The following GPR141 variants were observed in gnomAD, a reference collection of about 807,000 sequenced individuals.
The protein encoded by GPR141 is probable G protein-coupled receptor 141.
Under a neutral mutation model 6.8 loss-of-function variants are expected in GPR141, and 6 were observed. The observed-to-expected ratio is 0.88, with a 90% CI of 0.48 to 1.74. GPR141 has a LOEUF of 1.74. Among genes scored for constraint, GPR141 ranks in the 40% most tolerant of loss-of-function variants. The pLI is 0.01. For missense variants in GPR141, 372 were observed against 372.9 expected (o/e 1.00, Z 0.02); for synonymous variants, 140 against 142.3 (o/e 0.98, Z 0.11).
chr7:37,693,184 G>T (rs1759144664), intron 2 of GPR141, among the ~76,000 whole-genome samples: 1 of 152,134 alleles, frequency 6.6e-6, no homozygotes, highest in Non-Finnish European at 1.5e-5. Flanking sequence ...TTTGTATAAG[G>T]TGTAAGGAAG....
intron 2 of GPR141, among the ~76,000 whole-genome samples, chr7:37,694,451 G>A (rs1033776779): frequency 3.3e-5 from 5 of 152,214 alleles, no homozygotes; most frequent in African/African-American, 9.6e-5. Context: ...GGGGCAGGGC[G>A]CAGCAACAAC....
At chr7:37,716,351 T>C (rs1289059150) in intron 2 of GPR141, among the ~76,000 whole-genome samples, 2 of 152,158 alleles carry the variant, frequency 1.3e-5, no homozygotes, top group Non-Finnish European at 2.9e-5. Context: ...AGAAGGAGAA[T>C]TACTTTTTGG....
intron 1 of GPR141, 130 bp from the exon 2 acceptor site, chr7:37,685,330 T>G (rs1809447268): frequency 6.6e-6 from 1 of 152,262 alleles, no homozygotes; most frequent in African/African-American, 2.4e-5. Flanking sequence ...CTTCCTTTTG[T>G]GCGTGTGTGT....
intron 2 of GPR141, chr7:37,730,061 A>G (rs1198698601): frequency 6.6e-6 from 1 of 152,234 alleles, no homozygotes; most frequent in East Asian, 1.9e-4. Flanking sequence ...CCTAAGTATA[A>G]CACCAGCATC....
chr7:37,700,672 T>G (rs1810240644), intron 2 of GPR141, among the ~76,000 whole-genome samples: 1 of 152,240 alleles, frequency 6.6e-6, no homozygotes, highest in Non-Finnish European at 1.5e-5. Flanking sequence ...AACATACAAA[T>G]GATATTTTTC....
At chr7:37,723,107 C>T (rs531828974) in intron 2 of GPR141, among the ~76,000 whole-genome samples, 5 of 151,866 alleles carry the variant, frequency 3.3e-5, no homozygotes, top group Admixed American at 1.3e-4. Flanking sequence ...ATTCTCTTGC[C>T]TCAGCATCCT....
At chr7:37,725,230 A>T (rs1214219587) in intron 2 of GPR141, among the ~76,000 whole-genome samples, 1 of 152,206 alleles carries the variant, frequency 6.6e-6, no homozygotes, top group East Asian at 1.9e-4. Flanking sequence ...GATCAGTGTT[A>T]TGAAGAACAT....
At chr7:37,734,131 C>G (rs1812120700) in intron 2 of GPR141, among the ~76,000 whole-genome samples, 2 of 151,266 alleles carry the variant, frequency 1.3e-5, no homozygotes, top group Non-Finnish European at 3.0e-5. Context: ...CATGATGATG[C>G]CACTGCACTC....
rs1811700262 is a variant in GPR141, at chr7:37,727,678, G to A, written c.-14-12702G>A. 3.3e-5 allele frequency among the ~76,000 whole-genome samples: 5 copies of A among 152,208 alleles called. No homozygotes were observed. The South Asian group carries it at 1.0e-3, about 32-fold the overall frequency. On this transcript the variant is annotated intron_variant, in intron 2 of 2. Transcript: ENST00000334425. The stretch of plus-strand genomic sequence containing the variant: ...TGAAGCATGTACTTTTCTTTTCCAA[G>A]CCCAGACTCTTCAATTTTTGTTTAA...
At chr7:37,714,359 T>C (rs1481200097) in intron 2 of GPR141, among the ~76,000 whole-genome samples, 1 of 152,214 alleles carries the variant, frequency 6.6e-6, no homozygotes, top group East Asian at 1.9e-4. Flanking sequence ...GCCAGTGAAC[T>C]TGGACCTAAA....
At chr7:37,723,400 C>T (rs947966615) in intron 2 of GPR141, among the ~76,000 whole-genome samples, 4 of 151,354 alleles carry the variant, frequency 2.6e-5, no homozygotes, top group African/African-American at 9.7e-5. Flanking sequence ...AAATAAAACC[C>T]TAGAAGTTAC....
chr7:37,720,125 T>G (rs111695250), intron 2 of GPR141, among the ~76,000 whole-genome samples: 44 of 152,236 alleles, frequency 2.9e-4, no homozygotes, highest in African/African-American at 8.2e-4. Context: ...TTGATGGGGT[T>G]CAGGAAGGCT....
At chr7:37,692,075 C>T (rs1375796330) in intron 2 of GPR141, among the ~76,000 whole-genome samples, 1 of 152,032 alleles carries the variant, frequency 6.6e-6, no homozygotes, top group Non-Finnish European at 1.5e-5. Flanking sequence ...TATGCATGTG[C>T]CATGGTGGTT....
chr7:37,720,548 T>A (rs1163658324), intron 2 of GPR141, among the ~76,000 whole-genome samples: 1 of 152,156 alleles, frequency 6.6e-6, no homozygotes, highest in African/African-American at 2.4e-5. Flanking sequence ...GAGACCATCC[T>A]GGCTAACATG....
At chr7:37,725,817 T>C (rs573787579) in intron 2 of GPR141, among the ~76,000 whole-genome samples, 12 of 152,216 alleles carry the variant, frequency 7.9e-5, no homozygotes, top group Non-Finnish European at 1.6e-4. Flanking sequence ...TTTTAAAATA[T>C]GTCTATTTAC....
intron 2 of GPR141, among the ~76,000 whole-genome samples, 169 bp downstream of exon 2, chr7:37,685,752 CTT>C (rs35789715): frequency 0.037 from 4,206 of 113,032 alleles, 193 homozygotes; most frequent in Admixed American, 0.12. Flanking sequence ...CCTGGCAGCA[CTT>C]TTTTTTTTTT....
At chr7:37,706,290 G>A (rs1184686343) in intron 2 of GPR141, among the ~76,000 whole-genome samples, 2 of 152,212 alleles carry the variant, frequency 1.3e-5, no homozygotes, top group African/African-American at 4.8e-5. Context: ...TCAATAGATT[G>A]AGAAATACTT....
Position 37,742,103 on chromosome 7 carries a change from C to T in GPR141, c.*792C>T, listed in dbSNP as rs926180530. On this transcript the variant is annotated 3_prime_UTR_variant, in exon 3 of 3. Transcript: ENST00000334425. ...TGCTGGTAGGCATTAAAATGAGTTC[C>T]CAAGGGAAGTGATTAAAATTTTTTT... Among the ~76,000 whole-genome samples, 1 of 151,992 alleles carries T rather than the reference C, an allele frequency of 6.6e-6. No homozygotes were observed. The highest frequency in any genetic ancestry group is 1.9e-4 in the East Asian group (1 of 5,196).
intron 2 of GPR141, among the ~76,000 whole-genome samples, chr7:37,734,150 G>A (rs908643446): frequency 1.3e-5 from 2 of 152,146 alleles, no homozygotes; most frequent in African/African-American, 4.8e-5. Context: ...TCCAGCCTGG[G>A]CAACAGAACA....
Sources: gnomAD v4.1 joint callset for allele counts (sites outside exome capture counted in the v4.1 genomes callset) on GRCh38, gnomAD v4.1.1 for gene constraint, MANE v1.5 for transcripts, NCBI Gene and HGNC (gene_info 2026-07-23, HGNC 2026-07-21) for gene names.